STAT3: variants seen among roughly 807,000 people sequenced by gnomAD.
STAT3 encodes the protein DNA-binding protein APRF.
Under a neutral mutation model 114.3 loss-of-function variants are expected in STAT3, and 7 were observed. That is an observed-to-expected ratio of 0.06 (90% CI 0.03 to 0.11). The LOEUF (loss-of-function observed/expected upper bound fraction) is 0.11, where lower values mean the gene tolerates loss of function less well. STAT3 is among the 10% of genes least tolerant of loss of function. The pLI is 1.00. For synonymous variants in STAT3, 331 were observed against 354.5 expected (o/e 0.93, Z 0.74); for missense variants, 364 against 960.9 (o/e 0.38, Z 8.21).
At chr17:42,374,563 T>G (rs553975412) in intron 1 of STAT3, among the ~76,000 whole-genome samples, 183 of 145,706 alleles carry the variant, frequency 1.3e-3, no homozygotes, top group Non-Finnish European at 2.2e-3. Context: ...TGAGCTGAGA[T>G]CGTGCCATTG....
chr17:42,344,614 G>A (rs964525798), intron 4 of STAT3, among the ~76,000 whole-genome samples: 1 of 151,630 alleles, frequency 6.6e-6, no homozygotes, highest in African/African-American at 2.4e-5. Flanking sequence ...AGCTAGTCGG[G>A]AGGCTGAGGC....
chr17:42,339,368 C>T lies in STAT3; in HGVS notation c.414G>A (p.Thr138=), dbSNP rs765452694. ...GCTGCTCCAGCATCTGCTGCTTCTC[C>T]GTCACCACGGCTGCTGTGGGGTGGT... ...QANHPTAAVV[T]EKQQMLEQHL... Residue 138 remains threonine, a synonymous_variant, in exon 5 of 24, where the codon ACG becomes ACA. Coordinates refer to ENST00000264657, the MANE Select transcript of STAT3 (RefSeq NM_139276.3). The T allele has an allele frequency of 1.2e-5, 19 of 1,614,040 alleles. No individual in the cohort carries two copies. Among genetic ancestry groups the T allele is most frequent in the African/African-American group, 9.3e-5 (7 of 74,918 alleles).
In STAT3 at chr17:42,322,410, T is replaced by C. The variant is rs2081520204; in HGVS notation, c.1973A>G (p.Lys658Arg). Residue 658 changes from lysine (K) to arginine (R), a missense_variant, in exon 21 of 24, where the codon AAG becomes AGG. Lys to Arg is a conservative substitution (Grantham distance 26). Transcript: ENST00000264657. ...MSFAEIIMGY[K>R]IMDATNILVS... ...CAGGATATTGGTAGCATCCATGATC[T>C]TATAGCCCATGATGATTTCAGCAAA... is the stretch of plus-strand genomic sequence containing the variant. The C allele has an allele frequency of 6.2e-7, 1 of 1,614,234 alleles. No homozygotes were observed. The highest frequency in any genetic ancestry group is 8.5e-7 in the Non-Finnish European group (1 of 1,180,036).
At chr17:42,353,184 C>T (rs8075676) in intron 1 of STAT3, among the ~76,000 whole-genome samples, 44,264 of 151,600 alleles carry the variant, frequency 0.29, 6,721 homozygotes, top group East Asian at 0.4. Flanking sequence ...TCCATCTCTA[C>T]TAAAAATACA....
At position 42,333,594 on chromosome 17, in the gene STAT3, C is replaced by G; in HGVS notation, c.1049+79G>C. The stretch of plus-strand genomic sequence containing the variant: ...TGACACCACACCTGGAAAGAATGAC[C>G]CTGGCCACCAACTCTACCCTCACCC... On this transcript the variant is annotated intron_variant, in intron 10 of 23. Coordinates refer to ENST00000264657, the MANE Select transcript of STAT3 (RefSeq NM_139276.3). This position sits in a 1 kb window ranked among gnomAD's most constrained non-coding sequence, Gnocchi z 5.2. The G allele has an allele frequency of 6.5e-7, 1 of 1,528,166 alleles. No individual in the cohort carries two copies. The highest frequency in any genetic ancestry group is 9.0e-7 in the Non-Finnish European group (1 of 1,106,836). The allele number at this position is 1,528,166 out of a possible 1,614,324, so 94.7% of individuals were successfully genotyped here.
chr17:42,383,446 T>C (rs1398127493), intron 1 of STAT3, among the ~76,000 whole-genome samples: 1 of 151,726 alleles, frequency 6.6e-6, no homozygotes, highest in Non-Finnish European at 1.5e-5. Context: ...CAAGCAATCC[T>C]CTTGCCTCGG....
At chr17:42,365,661 T>C (rs1264080164) in intron 1 of STAT3, among the ~76,000 whole-genome samples, 1 of 151,242 alleles carries the variant, frequency 6.6e-6, no homozygotes, top group South Asian at 2.1e-4. Context: ...TGTTTTTTTT[T>C]GTTTTTTTTT....
intron 8 of STAT3, among the ~76,000 whole-genome samples, chr17:42,334,424 G>A (rs1000672460): frequency 1.4e-5 from 2 of 147,336 alleles, no homozygotes; most frequent in Admixed American, 6.9e-5. Flanking sequence ...ACAGGTGTAA[G>A]CCACTGCGCC....
intron 1 of STAT3, among the ~76,000 whole-genome samples, chr17:42,384,267 T>C (rs2145402437): frequency 6.6e-6 from 1 of 151,578 alleles, no homozygotes; most frequent in Admixed American, 6.6e-5. Flanking sequence ...TAGCTGGGAC[T>C]ACAGACGCCC....
At chr17:42,356,537 A>T (rs868051630) in intron 1 of STAT3, among the ~76,000 whole-genome samples, 3,862 of 122,646 alleles carry the variant, frequency 0.031, 167 homozygotes, top group African/African-American at 0.13. Context: ...ATATATATAT[A>T]TATTTTTTTT....
chr17:42,336,704 T>G (rs1435841566), intron 8 of STAT3, among the ~76,000 whole-genome samples: 1 of 148,996 alleles, frequency 6.7e-6, no homozygotes, highest in African/African-American at 2.6e-5. Context: ...AGATTGAGCA[T>G]CAACTAAATT....
Position 42,313,964 on chromosome 17 carries a change from T to G in STAT3, c.*1781A>C, listed in dbSNP as rs2081164018. On this transcript the variant is annotated 3_prime_UTR_variant, in exon 24 of 24. Transcript: ENST00000264657. ...TTAACAAACAGAATTCCACAGAAACTCTGATCAGCTGAGGCAAGGTGGTTT... is the reference window on the plus strand; with the variant it reads ...TTAACAAACAGAATTCCACAGAAACGCTGATCAGCTGAGGCAAGGTGGTTT... 1 of 231,196 alleles carries G rather than the reference T, an allele frequency of 4.3e-6. No individual in the cohort carries two copies. Among genetic ancestry groups the G allele is most frequent in the South Asian group, 1.8e-4 (1 of 5,502 alleles). The allele number at this position is 231,196 out of a possible 1,614,324, so 14.3% of individuals were successfully genotyped here. A position where few individuals can be genotyped will look rare whatever the true frequency, so the allele number is the denominator to read the frequency against.
intron 1 of STAT3, among the ~76,000 whole-genome samples, chr17:42,382,952 T>C (rs934023047): frequency 1.1e-4 from 16 of 150,904 alleles, no homozygotes; most frequent in Middle Eastern, 3.5e-3. Context: ...TGGGTAAGAG[T>C]TGCAGTAATC....
intron 1 of STAT3, among the ~76,000 whole-genome samples, chr17:42,369,184 C>T (rs2083968065): frequency 6.6e-6 from 1 of 152,060 alleles, no homozygotes; most frequent in Non-Finnish European, 1.5e-5. Flanking sequence ...ACGGTGAAAC[C>T]CCATCTCTAC....
intron 13 of STAT3, 33 bp downstream of exon 13, chr17:42,329,521 G>A (rs1167736160): frequency 6.2e-7 from 1 of 1,614,140 alleles, no homozygotes; most frequent in South Asian, 1.1e-5. Context: ...GGCAGCCAGA[G>A]GCCCTTTGTG....
chr17:42,333,946 G>T lies in STAT3; in HGVS notation c.901C>A (p.His301Asn). Residue 301 changes from histidine to asparagine, a missense_variant, in exon 9 of 24, where the codon CAC (histidine) becomes AAC (asparagine). His to Asn is a moderately conservative substitution (Grantham distance 68). Coordinates refer to ENST00000264657, the MANE Select transcript of STAT3 (RefSeq NM_139276.3). This position sits in a 1 kb window ranked among gnomAD's most constrained non-coding sequence, Gnocchi z 5.2. ...ATTCTCTCCTCCAGCATCGGCCGGT[G>T]CTGTACAATGGGGTCCCCTTTGTAG... Reference protein sequence around the residue: ...VSYKGDPIVQHRPMLEERIVE... With the variant: ...VSYKGDPIVQNRPMLEERIVE... The T allele has an allele frequency of 6.2e-7, 1 of 1,614,186 alleles. No homozygotes were observed. Among genetic ancestry groups the T allele is most frequent in the Non-Finnish European group, 8.5e-7 (1 of 1,180,042 alleles).
Position 42,329,660 on chromosome 17 carries a change from G to C in STAT3, c.1140-13C>G, listed in dbSNP as rs772272710. 6.2e-7 allele frequency: 1 copy of C among 1,614,108 alleles called. No individual in the cohort carries two copies. Among genetic ancestry groups the C allele is most frequent in the Non-Finnish European group, 8.5e-7 (1 of 1,179,978 alleles). On this transcript the variant is annotated splice_polypyrimidine_tract_variant and intron_variant, in intron 12 of 23. Coordinates refer to ENST00000264657, the MANE Select transcript of STAT3 (RefSeq NM_139276.3). ...AAATTTCCGGGATCTGAATCACAGG[G>C]GAACAATCAACTATGTAGGTGACCA...
chr17:42,358,176 G>A (rs1438901018), intron 1 of STAT3, among the ~76,000 whole-genome samples: 3 of 152,144 alleles, frequency 2.0e-5, no homozygotes, highest in African/African-American at 4.8e-5. Flanking sequence ...ACTTTGAGAG[G>A]CCAAGGTGGA....
At chr17:42,342,307 AC>A (rs976239724) in intron 4 of STAT3, among the ~76,000 whole-genome samples, 2 of 151,974 alleles carry the variant, frequency 1.3e-5, no homozygotes, top group Non-Finnish European at 2.9e-5. Flanking sequence ...ATATGGTGAA[AC>A]CCTATCTCAC....
Sources: allele counts gnomAD v4.1 joint callset (sites outside exome capture counted in the v4.1 genomes callset), GRCh38; gene constraint gnomAD v4.1.1; non-coding constraint Gnocchi (gnomAD v3.1); transcripts MANE v1.5; gene names NCBI Gene and HGNC (gene_info 2026-07-23, HGNC 2026-07-21).